Variants in GON4L observed in about 807,000 individuals in gnomAD.
The protein encoded by GON4L is GON-4-like protein.
GON4L carries 87 observed loss-of-function variants against 211.8 expected under a neutral mutation model. That is an observed-to-expected ratio of 0.41 (90% CI 0.35 to 0.49). GON4L has a LOEUF of 0.49. GON4L is among the 20% of genes least tolerant of loss of function. The pLI is 0.15. For missense variants in GON4L, 2,155 were observed against 2,659.5 expected (o/e 0.81, Z 4.17); for synonymous variants, 875 against 962.6 (o/e 0.91, Z 1.68).
Position 155,813,735 on chromosome 1 carries a change from G to T in GON4L, c.1351C>A (p.Pro451Thr), listed in dbSNP as rs759879464. 5 of 1,613,628 alleles carry T rather than the reference G, an allele frequency of 3.1e-6. No individual in the cohort carries two copies. In the East Asian group the frequency reaches 1.1e-4, roughly 36 times the overall value. The change falls in exon 10 of 32, where the codon CCT becomes ACT. Residue 451 changes from proline to threonine, a missense_variant. By Grantham distance (38) the Pro-to-Thr change is conservative. Coordinates refer to ENST00000368331, the MANE Select transcript of GON4L (RefSeq NM_001282860.2). ...TCTCTGGTCTGTTTCGGCTTTGGAG[G>T]GGGCGGGGGCCCCATGGGCACTACC... Reference protein sequence around the residue: ...AEVVPMGPPPPPKPKQTRDST... With the variant: ...AEVVPMGPPPTPKPKQTRDST...
intron 3 of GON4L, 118 bp downstream of exon 3, chr1:155,826,719 G>A (rs1158482326): frequency 1.4e-5 from 10 of 714,286 alleles, no homozygotes; most frequent in Non-Finnish European, 2.5e-6. Flanking sequence ...GCTTACAAGG[G>A]TGTATTAAAT....
chr1:155,814,606 C>A (rs776055006), intron 8 of GON4L, among the ~76,000 whole-genome samples, 157 bp from the exon 9 acceptor site: 3 of 151,884 alleles, frequency 2.0e-5, no homozygotes, highest in Non-Finnish European at 2.9e-5. Flanking sequence ...ATAAGCCAGG[C>A]GCGGTGGCGT....
At chr1:155,755,359 G>C (rs1485297929) in intron 27 of GON4L, among the ~76,000 whole-genome samples, 1 of 152,072 alleles carries the variant, frequency 6.6e-6, no homozygotes, top group East Asian at 1.9e-4. Context: ...GTAAGCCACA[G>C]CACCTAGCCT....
intron 3 of GON4L, among the ~76,000 whole-genome samples, chr1:155,825,528 C>A (rs1433633365): frequency 1.3e-5 from 2 of 148,938 alleles, no homozygotes; most frequent in African/African-American, 2.5e-5. Flanking sequence ...GCCGAGATTG[C>A]GCTACTGCAC....
chr1:155,751,564 A>T (rs1660588360), intron 31 of GON4L, among the ~76,000 whole-genome samples: 2 of 152,198 alleles, frequency 1.3e-5, no homozygotes, highest in Admixed American at 1.3e-4. Flanking sequence ...ATAAATAAAT[A>T]AAAATTTAAA....
chr1:155,838,769 CAAAAAAAAA>C (rs544440659), intron 2 of GON4L, among the ~76,000 whole-genome samples: 2 of 69,124 alleles, frequency 2.9e-5, no homozygotes, highest in East Asian at 7.0e-4. Flanking sequence ...GACTCTGTCT[CAAAAAAAAA>C]AAAAGAAAAA....
At chr1:155,847,547 C>CA in intron 2 of GON4L, among the ~76,000 whole-genome samples, 1 of 152,032 alleles carries the variant, frequency 6.6e-6, no homozygotes, top group African/African-American at 2.4e-5. Context: ...ACTAAAAATA[C>CA]AAAAATTAGC....
chr1:155,767,526 T>C lies in GON4L; in HGVS notation c.2662A>G (p.Lys888Glu). The change falls in exon 20 of 32, where the codon AAA (lysine) becomes GAA (glutamate). Residue 888 changes from lysine to glutamate, a missense_variant. Around this residue, in one of 6 missense-constraint regions of GON4L, gnomAD observed 551 missense variants for 854.0 expected, o/e 0.65. Transcript: ENST00000368331. Reference protein sequence around the residue: ...DNIIKFYKKTKQLPVLGKCCE... With the variant: ...DNIIKFYKKTEQLPVLGKCCE... Reference sequence around the variant, plus strand: ...CATTTTCCTAGGACTGGCAGCTGTTTGGTCTTCTTATAAAACTTAACATGA... The same window carrying C: ...CATTTTCCTAGGACTGGCAGCTGTTCGGTCTTCTTATAAAACTTAACATGA... 6.2e-7 allele frequency: 1 copy of C among 1,610,204 alleles called. No individual in the cohort carries two copies. Among genetic ancestry groups the C allele is most frequent in the African/African-American group, 1.3e-5 (1 of 74,912 alleles).
chr1:155,834,780 G>A (rs1172072876), intron 2 of GON4L, among the ~76,000 whole-genome samples: 3 of 152,164 alleles, frequency 2.0e-5, no homozygotes, highest in African/African-American at 7.2e-5. Context: ...TCAGTTCCGG[G>A]AAGTCCTCGC....
chr1:155,849,231 G>A (rs1046232573), intron 2 of GON4L, among the ~76,000 whole-genome samples: 3 of 149,860 alleles, frequency 2.0e-5, no homozygotes, highest in Non-Finnish European at 4.4e-5. Context: ...TGAGGCGGGT[G>A]GTCATTTGAG....
At chr1:155,746,744 G>A, downstream of GON4L, 1 of 1,380,016 alleles carries the variant, frequency 7.2e-7, no homozygotes, top group Non-Finnish European at 9.8e-7. Flanking sequence ...CAGAACGCTG[G>A]ATAACTCTGA....
chr1:155,851,286 A>T (rs822487), intron 2 of GON4L, among the ~76,000 whole-genome samples: 1 of 151,584 alleles, frequency 6.6e-6, no homozygotes, highest in South Asian at 2.1e-4. Flanking sequence ...CCCAGGAGGC[A>T]GAGCTTGCAG....
chr1:155,754,472 T>A lies in GON4L; in HGVS notation c.5534A>T (p.Asp1845Val), dbSNP rs1660943114. The A allele has an allele frequency of 6.2e-7, 1 of 1,606,586 alleles. No homozygotes were observed. The highest frequency in any genetic ancestry group is 8.5e-7 in the Non-Finnish European group (1 of 1,174,552). Residue 1845 changes from aspartate (D) to valine (V), a missense_variant, in exon 28 of 32, where the codon GAT becomes GTT. Asp to Val is a radical substitution (Grantham distance 152). Coordinates refer to ENST00000368331, the MANE Select transcript of GON4L (RefSeq NM_001282860.2). The part of the protein sequence containing the change: ...QNHDKETEWP[D>V]GAKDCACSCH... ...GGAGCAGGCACAGTCCTTGGCCCCATCTGGCCATTCAGTCTCCTAGGAGAT... is the reference window on the plus strand; with the variant it reads ...GGAGCAGGCACAGTCCTTGGCCCCAACTGGCCATTCAGTCTCCTAGGAGAT...
chr1:155,855,150 T>C (rs1191754346), intron 1 of GON4L, among the ~76,000 whole-genome samples: 1 of 152,214 alleles, frequency 6.6e-6, no homozygotes, highest in Non-Finnish European at 1.5e-5. Flanking sequence ...TTGCTTCAAT[T>C]CTAGTTATCA....
intron 2 of GON4L, among the ~76,000 whole-genome samples, chr1:155,834,995 G>C (rs1670163229): frequency 1.3e-5 from 2 of 152,170 alleles, no homozygotes; most frequent in Non-Finnish European, 1.5e-5. Flanking sequence ...AGCTCATTGA[G>C]AACGGGCCAT....
intron 18 of GON4L, 28 bp downstream of exon 18, chr1:155,773,038 G>A: frequency 6.2e-7 from 1 of 1,611,322 alleles, no homozygotes; most frequent in Non-Finnish European, 8.5e-7. Flanking sequence ...ATGTTCTGCT[G>A]TTTTGATCCC....
chr1:155,754,191 T>C (rs1476176018), intron 28 of GON4L, 184 bp downstream of exon 28: 9 of 656,840 alleles, frequency 1.4e-5, no homozygotes, highest in Non-Finnish European at 2.5e-5. Context: ...AGAATTCTCT[T>C]TAAAAAACAA....
chr1:155,765,185 T>TC lies in GON4L; in HGVS notation c.4287dup (p.Lys1430GlufsTer9). On this transcript the variant is annotated frameshift_variant, in exon 21 of 32. Transcript: ENST00000368331. LOFTEE classifies it high-confidence loss of function. Reference sequence around the variant, plus strand: ...TCAACACTGGATGAATCTTCTGGCTTCCCTGGGGGGCTACTAAGCCTCACT... The same window carrying TC: ...TCAACACTGGATGAATCTTCTGGCTTCCCCTGGGGGGCTACTAAGCCTCACT... 2 of 1,614,220 alleles carry TC rather than the reference T, an allele frequency of 1.2e-6. No homozygotes were observed. Among genetic ancestry groups the TC allele is most frequent in the Non-Finnish European group, 8.5e-7 (1 of 1,180,046 alleles).
At chr1:155,764,933 G>A (rs143759464) in intron 21 of GON4L, 67 bp downstream of exon 21, 3 of 1,612,860 alleles carry the variant, frequency 1.9e-6, no homozygotes, top group Non-Finnish European at 2.5e-6. Flanking sequence ...GCAAGCAGGT[G>A]GCATATCAAT....
Sources: allele counts gnomAD v4.1 joint callset (sites outside exome capture counted in the v4.1 genomes callset), GRCh38; gene constraint gnomAD v4.1.1; regional missense constraint gnomAD v4.1.1; transcripts MANE v1.5; gene names NCBI Gene and HGNC (gene_info 2026-07-23, HGNC 2026-07-21).